ADAMTS12: variants seen among roughly 807,000 people sequenced by gnomAD.
ADAMTS12 encodes A disintegrin and metalloproteinase with thrombospondin motifs 12.
In ADAMTS12, 118 loss-of-function variants were observed where a neutral mutation model predicts 167.8. The ratio of observed to expected loss-of-function variants is 0.70; its 90% CI spans 0.61 to 0.82. The LOEUF (loss-of-function observed/expected upper bound fraction) is 0.82, where lower values mean the gene tolerates loss of function less well. Among genes scored for constraint, ADAMTS12 ranks in the 40% least tolerant of loss-of-function variants. ADAMTS12 has a pLI of 0.00. For synonymous variants in ADAMTS12, 704 were observed against 716.9 expected, an observed-to-expected ratio of 0.98 and a Z score of 0.29; for missense variants, 1,916 against 1,998.8, an observed-to-expected ratio of 0.96 and a Z score of 0.79.
intron 14 of ADAMTS12, among the ~76,000 whole-genome samples, chr5:33,624,008 A>G (rs967122204): frequency 3.9e-5 from 6 of 152,192 alleles, no homozygotes; most frequent in African/African-American, 1.4e-4. Flanking sequence ...TCAGATCTCT[A>G]TCTCACTGTG....
intron 5 of ADAMTS12, among the ~76,000 whole-genome samples, chr5:33,669,563 T>A (rs189072483): frequency 6.6e-6 from 1 of 152,294 alleles, no homozygotes; most frequent in Non-Finnish European, 1.5e-5. Flanking sequence ...CACTCTATAA[T>A]GTAGTAGATC....
chr5:33,665,460 C>T (rs1212959951), intron 5 of ADAMTS12, among the ~76,000 whole-genome samples: 5 of 151,888 alleles, frequency 3.3e-5, no homozygotes, highest in South Asian at 4.2e-4. Context: ...GCCATTCCAC[C>T]GTGTACACAT....
chr5:33,730,292 GT>G (rs1561239772), intron 3 of ADAMTS12, among the ~76,000 whole-genome samples: 38 of 141,712 alleles, frequency 2.7e-4, no homozygotes, highest in Middle Eastern at 3.5e-3. Context: ...CCATTAGGGT[GT>G]GTGTGTGTGT....
At chr5:33,803,817 A>T (rs937414560) in intron 2 of ADAMTS12, among the ~76,000 whole-genome samples, 1 of 152,176 alleles carries the variant, frequency 6.6e-6, no homozygotes, top group African/African-American at 2.4e-5. Flanking sequence ...AGACTTATTC[A>T]TTATCACAAG....
In ADAMTS12 at chr5:33,687,783, A is replaced by G. The variant is rs74325573; in HGVS notation, c.635-3728T>C. On this transcript the variant is annotated intron_variant, in intron 3 of 23. Transcript: ENST00000504830. ...TGAAATCTCAGATTTGATGGAAGAA[A>G]TGTTTCTGCTACGCAATTTCAGAAA... Among the ~76,000 whole-genome samples the G allele has an allele frequency of 2.3e-3, 354 of 152,286 alleles. 1 individual carries two copies. The highest frequency in any genetic ancestry group is 8.2e-3 in the African/African-American group (341 of 41,542).
chr5:33,524,254 A>G lies in ADAMTS12; in HGVS notation c.*2934T>C, dbSNP rs1370158370. ...TTCCTGATTGAAGAAAGTAATCACTATTAAGTCTCCTGGAATATTGTTCTC... is the reference window on the plus strand; with the variant it reads ...TTCCTGATTGAAGAAAGTAATCACTGTTAAGTCTCCTGGAATATTGTTCTC... On this transcript the variant is annotated 3_prime_UTR_variant, in exon 24 of 24. Transcript: ENST00000504830. 6.6e-6 allele frequency: 1 copy of G among 152,210 alleles called. No individual in the cohort carries two copies. The highest frequency in any genetic ancestry group is 1.5e-5 in the Non-Finnish European group (1 of 68,038). 9.4% of individuals were successfully genotyped at this position (152,210 alleles called of 1,614,324 possible). A position where few individuals can be genotyped will look rare whatever the true frequency, so the allele number is the denominator to read the frequency against.
At chr5:33,873,555 T>G (rs1580009802) in intron 2 of ADAMTS12, among the ~76,000 whole-genome samples, 1 of 152,178 alleles carries the variant, frequency 6.6e-6, no homozygotes, top group South Asian at 2.1e-4. Flanking sequence ...TTGTGGATAT[T>G]CACAAAATGA....
In ADAMTS12 at chr5:33,751,547, G is replaced by A. The variant is rs777292531; in HGVS notation, c.491C>T (p.Thr164Ile). ...TCCATGTGGTAGTTGGAAAAATCCA[G>A]TCTGTAAATACATTCAGTAAGAAAG... Reference protein sequence around the residue: ...TAALSACHGLTGFFQLPHGDF... With the variant: ...TAALSACHGLIGFFQLPHGDF... The change falls in exon 3 of 24, where the codon ACT (threonine) becomes ATT (isoleucine). Residue 164 changes from threonine (T) to isoleucine (I), a missense_variant and splice_region_variant. Coordinates refer to ENST00000504830, the MANE Select transcript of ADAMTS12 (RefSeq NM_030955.4). The A allele has an allele frequency of 4.0e-5, 65 of 1,613,508 alleles. 1 individual carries two copies. In the East Asian group the frequency reaches 1.4e-3, roughly 36 times the overall value.
chr5:33,846,689 C>T (rs1748958533), intron 2 of ADAMTS12, among the ~76,000 whole-genome samples: 1 of 152,162 alleles, frequency 6.6e-6, no homozygotes, highest in African/African-American at 2.4e-5. Flanking sequence ...TTTGTGTCCT[C>T]AATAGTAGTA....
chr5:33,692,288 A>C (rs1283397215), intron 3 of ADAMTS12, among the ~76,000 whole-genome samples: 2 of 152,166 alleles, frequency 1.3e-5, no homozygotes, highest in African/African-American at 4.8e-5. Context: ...TCCTGGCCTG[A>C]ATATGGATGG....
chr5:33,617,666 G>C (rs1402442179), intron 14 of ADAMTS12, among the ~76,000 whole-genome samples: 1 of 152,088 alleles, frequency 6.6e-6, no homozygotes, highest in Non-Finnish European at 1.5e-5. Flanking sequence ...GTTGCTATCT[G>C]CAGTCATTTT....
chr5:33,877,344 T>C (rs1750266375), intron 2 of ADAMTS12, among the ~76,000 whole-genome samples: 1 of 152,188 alleles, frequency 6.6e-6, no homozygotes, highest in African/African-American at 2.4e-5. Context: ...CAATCCTGTC[T>C]TCTGCACGAG....
At chr5:33,887,422 T>C (rs1750673579) in intron 1 of ADAMTS12, among the ~76,000 whole-genome samples, 1 of 152,166 alleles carries the variant, frequency 6.6e-6, no homozygotes, top group South Asian at 2.1e-4. Context: ...GTCTGTCACC[T>C]AGCACAGATG....
In ADAMTS12 at chr5:33,649,482, CTG is replaced by C. The variant is rs1190850037; in HGVS notation, c.1334+70_1334+71del. On this transcript the variant is annotated intron_variant, in intron 8 of 23. Coordinates refer to ENST00000504830, the MANE Select transcript of ADAMTS12 (RefSeq NM_030955.4). ...CAGCCTTTTCCAGGCATCAGCTTCT[CTG>C]TGTAAAACTCAATGCAGCTTCCAAT... is the stretch of plus-strand genomic sequence containing the variant. 5.8e-6 allele frequency: 9 copies of C among 1,541,976 alleles called. No homozygotes were observed. The African/African-American group carries it at 9.6e-5, about 16-fold the overall frequency.
At chr5:33,624,492 G>A (rs1056358472) in intron 13 of ADAMTS12, 141 bp from the exon 14 acceptor site, 2 of 1,237,738 alleles carry the variant, frequency 1.6e-6, no homozygotes, top group Non-Finnish European at 2.2e-6. Context: ...TTTGTTCCTG[G>A]TGGCAGCAAG....
chr5:33,719,087 G>C (rs1266196612), intron 3 of ADAMTS12, among the ~76,000 whole-genome samples: 1 of 152,138 alleles, frequency 6.6e-6, no homozygotes, highest in African/African-American at 2.4e-5. Context: ...AGATGGGTGT[G>C]ATTGTGCTCA....
At chr5:33,570,022 G>T (rs970875821) in intron 19 of ADAMTS12, among the ~76,000 whole-genome samples, 2 of 152,230 alleles carry the variant, frequency 1.3e-5, no homozygotes, top group African/African-American at 4.8e-5. Flanking sequence ...TGAATGAAAT[G>T]AAGCAAGAAG....
chr5:33,585,203 GGT>G (rs1405653465), intron 18 of ADAMTS12, among the ~76,000 whole-genome samples: 5 of 151,992 alleles, frequency 3.3e-5, no homozygotes, highest in African/African-American at 1.2e-4. Context: ...GGGTACCAGG[GGT>G]GTCTCTTGAA....
chr5:33,649,430 T>C (rs1017962980), intron 8 of ADAMTS12, 124 bp downstream of exon 8: 3 of 1,251,420 alleles, frequency 2.4e-6, no homozygotes, highest in Non-Finnish European at 3.3e-6. Context: ...GATGCCACCC[T>C]GACATGGTGG....
Sources: gnomAD v4.1 joint callset for allele counts (sites outside exome capture counted in the v4.1 genomes callset) on GRCh38, gnomAD v4.1.1 for gene constraint, MANE v1.5 for transcripts, NCBI Gene and HGNC (gene_info 2026-07-23, HGNC 2026-07-21) for gene names.